Variants in ANK2 observed in about 807,000 individuals in gnomAD.
The protein encoded by ANK2 is ankyrin 2.
In ANK2, 83 loss-of-function variants were observed where a neutral mutation model predicts 360.5. That is an observed-to-expected ratio of 0.23 (90% CI 0.19 to 0.28). The LOEUF is 0.28. Among genes scored for constraint, ANK2 ranks in the 10% least tolerant of loss-of-function variants. The probability of loss-of-function intolerance (pLI) is 1.00; values close to 1 mark genes in which losing one functional copy is unlikely to be tolerated. For missense variants in ANK2, 4,201 were observed against 4,795.7 expected (o/e 0.88, Z 3.66); for synonymous variants, 1,740 against 1,759.5 (o/e 0.99, Z 0.28).
At chr4:113,117,358 T>G (rs2094910295) in intron 1 of ANK2, 1 of 455,966 alleles carries the variant, frequency 2.2e-6, no homozygotes, top group African/African-American at 2.0e-5. Flanking sequence ...AAAAAAATCT[T>G]GAGAGAGACA....
intron 1 of ANK2, among the ~76,000 whole-genome samples, chr4:112,831,496 C>T (rs2059718298): frequency 6.6e-6 from 1 of 152,152 alleles, no homozygotes; most frequent in East Asian, 1.9e-4. Context: ...CCAATCAGCA[C>T]CCTGTGTCTA....
the ANK2 span, among the ~76,000 whole-genome samples, chr4:112,790,484 C>CTTT: frequency 1.1e-4 from 13 of 113,744 alleles, no homozygotes; most frequent in South Asian, 3.0e-4. Context: ...CTTTTCTTTT[C>CTTT]TTTTTTTTTT....
intron 29 of ANK2, among the ~76,000 whole-genome samples, chr4:113,335,541 C>T (rs2153956069): frequency 6.6e-6 from 1 of 152,310 alleles, no homozygotes; most frequent in African/African-American, 2.4e-5. Flanking sequence ...TCATGCCTCT[C>T]ATTTCAAAGG....
intron 4 of ANK2, among the ~76,000 whole-genome samples, chr4:113,209,497 C>G (rs984273069): frequency 6.6e-6 from 1 of 151,850 alleles, no homozygotes; most frequent in Admixed American, 6.5e-5. Context: ...TATTTGTTAT[C>G]GAACCAAACT....
In ANK2 at chr4:112,881,831, C is replaced by A. The variant is rs924565138; in HGVS notation, c.-39-22624C>A. On this transcript the variant is annotated intron_variant, in intron 1 of 30. Coordinates refer to the ANK2 transcript ENST00000503271. ...CTTCTTTAATGCCACCAACAAATAT[C>A]TTTTTCACAGTTAAGTGGGCACCGG... The A allele has an allele frequency of 1.3e-5, 12 of 937,812 alleles. No homozygotes were observed. The African/African-American group carries it at 1.6e-4, about 13-fold the overall frequency. The allele number at this position is 937,812 out of a possible 1,614,324, so 58.1% of individuals were successfully genotyped here.
chr4:113,199,156 C>A (rs2153406420), intron 4 of ANK2, 47 bp downstream of exon 4: 3 of 1,442,442 alleles, frequency 2.1e-6, no homozygotes, highest in Non-Finnish European at 2.9e-6. Flanking sequence ...TAAATTAGAA[C>A]AGTTTTGTGA....
intron 45 of ANK2, 30 bp from the exon 46 acceptor site, chr4:113,381,427 C>A: frequency 6.2e-7 from 1 of 1,612,646 alleles, no homozygotes; most frequent in Non-Finnish European, 8.5e-7. Context: ...GTGAAAAGAG[C>A]GTAATTCTCT....
chr4:112,802,232 G>A, the ANK2 span, among the ~76,000 whole-genome samples: 1 of 152,034 alleles, frequency 6.6e-6, no homozygotes, highest in Admixed American at 6.6e-5. Context: ...GGAGATTGGA[G>A]GACACTGTTG....
chr4:113,267,384 T>G (rs1002544352), intron 14 of ANK2, among the ~76,000 whole-genome samples: 5 of 152,220 alleles, frequency 3.3e-5, no homozygotes, highest in African/African-American at 1.2e-4. Context: ...TGGCTTTAGG[T>G]CTTACATTTA....
intron 1 of ANK2, among the ~76,000 whole-genome samples, chr4:113,171,500 T>A (rs1193711360): frequency 6.6e-6 from 1 of 152,252 alleles, no homozygotes; most frequent in Non-Finnish European, 1.5e-5. Flanking sequence ...CATTTTATGA[T>A]AATATTTCCA....
intron 2 of ANK2, among the ~76,000 whole-genome samples, chr4:113,195,263 A>ATAT (rs2098731483): frequency 1.3e-5 from 2 of 152,076 alleles, no homozygotes; most frequent in Admixed American, 6.6e-5. Flanking sequence ...TAACAATGAA[A>ATAT]TATTATTATT....
intron 4 of ANK2, chr4:113,214,395 T>A (rs1231499537): frequency 5.5e-6 from 5 of 914,866 alleles, no homozygotes; most frequent in Non-Finnish European, 8.9e-6. Flanking sequence ...CTTTGTCATC[T>A]TGGAGGCACG....
At position 113,383,663 on chromosome 4, in the gene ANK2, A is replaced by G. The variant is rs2097204325; in HGVS notation, c.*2192A>G. The G allele has an allele frequency of 6.6e-6, 1 of 152,642 alleles. No homozygotes were observed. Among genetic ancestry groups the G allele is most frequent in the South Asian group, 2.1e-4 (1 of 4,830 alleles). The allele number at this position is 152,642 out of a possible 1,614,324, so 9.5% of individuals were successfully genotyped here. A position where few individuals can be genotyped will look rare whatever the true frequency, so the allele number is the denominator to read the frequency against. On this transcript the variant is annotated 3_prime_UTR_variant, in exon 46 of 46. Coordinates refer to ENST00000357077, the MANE Select transcript of ANK2 (RefSeq NM_001148.6). ...TATTAGTTAATGGAAAAAAAAATAC[A>G]ACACTAACAATACATAGCTGCAATG...
rs10031463 is a variant in ANK2 at position 113,339,013 on chromosome 4, A to G, written c.3797-213A>G. Among the ~76,000 whole-genome samples the G allele has an allele frequency of 0.086, 13,075 of 152,204 alleles. 1,345 individuals are homozygous for G. Among genetic ancestry groups the G allele is most frequent in the African/African-American group, 0.25 (10,361 of 41,470 alleles). On this transcript the variant is annotated intron_variant, in intron 31 of 45. Coordinates refer to ENST00000357077, the MANE Select transcript of ANK2 (RefSeq NM_001148.6). Reference sequence around the variant, plus strand: ...AGAAGGCTTAATAAACACTTATTCAAATAACTACCCTAAAACTTAGTTTCT... The same window carrying G: ...AGAAGGCTTAATAAACACTTATTCAGATAACTACCCTAAAACTTAGTTTCT...
intron 1 of ANK2, among the ~76,000 whole-genome samples, chr4:113,152,724 C>G (rs1562452559): frequency 6.6e-6 from 1 of 151,866 alleles, no homozygotes; most frequent in Non-Finnish European, 1.5e-5. Context: ...CTGGGCAACA[C>G]AGGGAGATTC....
intron 2 of ANK2, among the ~76,000 whole-genome samples, chr4:113,016,387 T>G (rs2056627113): frequency 6.6e-6 from 1 of 152,182 alleles, no homozygotes. Context: ...TGGCAGTTTG[T>G]GCCTATGTGC....
At chr4:112,753,896 G>T in the ANK2 span, among the ~76,000 whole-genome samples, 2 of 151,862 alleles carry the variant, frequency 1.3e-5, no homozygotes, top group Non-Finnish European at 2.9e-5. Context: ...TCAGGAGTTT[G>T]AGACCAGCCT....
intron 1 of ANK2, among the ~76,000 whole-genome samples, chr4:113,113,558 T>G (rs1267106232): frequency 6.6e-6 from 1 of 152,198 alleles, no homozygotes; most frequent in African/African-American, 2.4e-5. Context: ...GAACGGACAG[T>G]GTGCTCCTTA....
intron 2 of ANK2, among the ~76,000 whole-genome samples, chr4:113,011,122 T>C (rs1204064692): frequency 8.8e-6 from 1 of 114,044 alleles, no homozygotes; most frequent in Non-Finnish European, 1.8e-5. Flanking sequence ...AAGATAATAG[T>C]AAGGGGATGG....
Sources: allele counts gnomAD v4.1 joint callset (sites outside exome capture counted in the v4.1 genomes callset), GRCh38; gene constraint gnomAD v4.1.1; transcripts MANE v1.5; gene names NCBI Gene and HGNC (gene_info 2026-07-23, HGNC 2026-07-21).